Variants in TMEM65 observed in about 807,000 individuals in gnomAD.
TMEM65 encodes the protein transmembrane protein 65.
A neutral mutation model predicts 25.4 loss-of-function variants in TMEM65; 22 were observed. The observed-to-expected ratio is 0.86, with a 90% confidence interval of 0.62 to 1.23. The LOEUF is 1.23. TMEM65 is among the 50% of genes most tolerant of loss of function. The pLI is 0.00. For synonymous variants in TMEM65, 132 were observed against 126.2 expected (o/e 1.05, Z -0.31); for missense variants, 262 against 308.2 (o/e 0.85, Z 1.12).
intron 1 of TMEM65, among the ~76,000 whole-genome samples, chr8:124,365,183 T>C (rs1188846562): frequency 6.6e-6 from 1 of 152,190 alleles, no homozygotes; most frequent in African/African-American, 2.4e-5. Context: ...AAATGACTAT[T>C]AAGGTGAAAA....
At chr8:124,322,762 C>T (rs910381363) in intron 4 of TMEM65, among the ~76,000 whole-genome samples, 3 of 152,030 alleles carry the variant, frequency 2.0e-5, no homozygotes, top group Non-Finnish European at 2.9e-5. Flanking sequence ...CTTTGGGAGG[C>T]CGAGGCGGGC....
chr8:124,329,370 G>T (rs1437244760), intron 2 of TMEM65, among the ~76,000 whole-genome samples: 1 of 151,928 alleles, frequency 6.6e-6, no homozygotes, highest in Non-Finnish European at 1.5e-5. Flanking sequence ...TTACAGTGAA[G>T]AGAAAGCTAC....
At chr8:124,329,399 T>A (rs184607249) in intron 2 of TMEM65, among the ~76,000 whole-genome samples, 1 of 151,752 alleles carries the variant, frequency 6.6e-6, no homozygotes, top group East Asian at 1.9e-4. Flanking sequence ...TGAAAAATAA[T>A]GATGAAACTG....
chr8:124,320,042 T>C (rs1484328488), intron 6 of TMEM65, 44 bp downstream of exon 6: 4 of 1,506,732 alleles, frequency 2.7e-6, no homozygotes, highest in Non-Finnish European at 3.7e-6. Context: ...AGAATCTTGC[T>C]CTGGCTACCC....
rs1814170439 is a variant in TMEM65, at chr8:124,312,175, A to C, written c.*1785T>G. Reference sequence around the variant, plus strand: ...AATCCTATCAATCAGAAATTTTACAAAGGATTTTTTGTGTGGTTATCTGTG... The same window carrying C: ...AATCCTATCAATCAGAAATTTTACACAGGATTTTTTGTGTGGTTATCTGTG... On this transcript the variant is annotated 3_prime_UTR_variant, in exon 7 of 7. Coordinates refer to ENST00000297632, the MANE Select transcript of TMEM65 (RefSeq NM_194291.3). The C allele has an allele frequency of 6.7e-6, 1 of 150,270 alleles. No homozygotes were observed. Among genetic ancestry groups the C allele is most frequent in the Non-Finnish European group, 1.5e-5 (1 of 67,352 alleles). 9.3% of individuals were successfully genotyped at this position (150,270 alleles called of 1,614,324 possible).
Position 124,306,499 on chromosome 8 carries a change from G to T in TMEM65, c.*7461C>A, listed in dbSNP as rs1274297324. ...TGATAAATATATTGAAAATTTTTTT[G>T]GAAATTTGCAACAATTTAAAAAACT... On this transcript the variant is annotated 3_prime_UTR_variant, in exon 7 of 7. Transcript: ENST00000297632. The T allele has an allele frequency of 6.6e-6, 1 of 151,910 alleles. No homozygotes were observed. The highest frequency in any genetic ancestry group is 1.5e-5 in the Non-Finnish European group (1 of 68,056). The allele number at this position is 151,910 out of a possible 1,614,324, so 9.4% of individuals were successfully genotyped here. A position where few individuals can be genotyped will look rare whatever the true frequency, so the allele number is the denominator to read the frequency against.
intron 1 of TMEM65, among the ~76,000 whole-genome samples, chr8:124,358,773 C>T (rs955544192): frequency 1.3e-5 from 2 of 152,172 alleles, no homozygotes; most frequent in African/African-American, 2.4e-5. Context: ...GTCAGAAGTG[C>T]GATCCAAAGT....
intron 6 of TMEM65, among the ~76,000 whole-genome samples, chr8:124,318,375 T>TG (rs1814264925): frequency 8.1e-6 from 1 of 123,942 alleles, no homozygotes; most frequent in Non-Finnish European, 1.7e-5. Flanking sequence ...TTTTGTTTTT[T>TG]TTTTTTTTTT....
intron 1 of TMEM65, among the ~76,000 whole-genome samples, chr8:124,363,817 A>G (rs1814902852): frequency 8.2e-6 from 1 of 122,160 alleles, no homozygotes; most frequent in African/African-American, 3.1e-5. Context: ...AGCCAGGGCG[A>G]CAGAGCGAGA....
intron 5 of TMEM65, among the ~76,000 whole-genome samples, chr8:124,320,433 A>T (rs1814289993): frequency 2.0e-5 from 3 of 152,230 alleles, no homozygotes; most frequent in Non-Finnish European, 4.4e-5. Context: ...TATATTGTTT[A>T]AAAATATTTT....
At chr8:124,342,938 T>C (rs1814598577) in intron 1 of TMEM65, among the ~76,000 whole-genome samples, 1 of 152,128 alleles carries the variant, frequency 6.6e-6, no homozygotes, top group South Asian at 2.1e-4. Flanking sequence ...ATATAGAAGC[T>C]TTCTGATTGC....
chr8:124,321,756 C>T (rs1192084416), intron 5 of TMEM65, among the ~76,000 whole-genome samples: 1 of 152,092 alleles, frequency 6.6e-6, no homozygotes, highest in African/African-American at 2.4e-5. Flanking sequence ...CTATAAAATA[C>T]ATATAAATAC....
chr8:124,318,967 A>G (rs768713148), intron 6 of TMEM65, among the ~76,000 whole-genome samples: 1 of 152,096 alleles, frequency 6.6e-6, no homozygotes, highest in Non-Finnish European at 1.5e-5. Flanking sequence ...AACTTCTAAT[A>G]TGCTAAATAT....
Position 124,327,413 on chromosome 8 carries a change from G to A in TMEM65, c.358C>T (p.His120Tyr). Residue 120 changes from histidine to tyrosine, a missense_variant, in exon 3 of 7, where the codon CAC becomes TAC. Transcript: ENST00000297632. Reference protein sequence around the residue: ...TPGQLRYVFIHNAIPFIGFGF... With the variant: ...TPGQLRYVFIYNAIPFIGFGF... Reference sequence around the variant, plus strand: ...AACCCTATGAAAGGTATCGCATTGTGGATGAATACTGAAAAACATCAAAAA... The same window carrying A: ...AACCCTATGAAAGGTATCGCATTGTAGATGAATACTGAAAAACATCAAAAA... 6.3e-7 allele frequency: 1 copy of A among 1,588,668 alleles called. No individual in the cohort carries two copies. The highest frequency in any genetic ancestry group is 2.3e-5 in the East Asian group (1 of 43,844).
rs1315556950 is a variant in TMEM65, at chr8:124,313,816, A to T, written c.*144T>A. ...GATGTCCTAAGAAGATCAAGCCACAATAAGTTAGTGTTTTCCATAATACAT... is the reference window on the plus strand; with the variant it reads ...GATGTCCTAAGAAGATCAAGCCACATTAAGTTAGTGTTTTCCATAATACAT... On this transcript the variant is annotated 3_prime_UTR_variant, in exon 7 of 7. Coordinates refer to ENST00000297632, the MANE Select transcript of TMEM65 (RefSeq NM_194291.3). 1.6e-6 allele frequency: 1 copy of T among 611,474 alleles called. No homozygotes were observed. Among genetic ancestry groups the T allele is most frequent in the African/African-American group, 1.9e-5 (1 of 53,626 alleles). The allele number at this position is 611,474 out of a possible 1,614,324, so 37.9% of individuals were successfully genotyped here. A position where few individuals can be genotyped will look rare whatever the true frequency, so the allele number is the denominator to read the frequency against.
At chr8:124,368,012 T>C (rs755507748) in intron 1 of TMEM65, among the ~76,000 whole-genome samples, 1 of 152,226 alleles carries the variant, frequency 6.6e-6, no homozygotes, top group Non-Finnish European at 1.5e-5. Flanking sequence ...GCTCCCTTTT[T>C]CAAAACATAT....
chr8:124,318,759 C>T (rs1814270761), intron 6 of TMEM65, among the ~76,000 whole-genome samples: 1 of 152,072 alleles, frequency 6.6e-6, no homozygotes, highest in Admixed American at 6.6e-5. Flanking sequence ...AATGTTGATC[C>T]TGCTGATGCT....
chr8:124,372,198 G>A lies in TMEM65; in HGVS notation c.-41C>T. ...TGGGACCCCCGCGGCCGTCCGGCAA[G>A]GCGGTTTCTGGCGCGGCTGAGGCGA... On this transcript the variant is annotated 5_prime_UTR_variant, in exon 1 of 7. Coordinates refer to ENST00000297632, the MANE Select transcript of TMEM65 (RefSeq NM_194291.3). 7.9e-7 allele frequency: 1 copy of A among 1,260,802 alleles called. No individual in the cohort carries two copies. The highest frequency in any genetic ancestry group is 1.6e-5 in the South Asian group (1 of 61,546). 78.1% of individuals were successfully genotyped at this position (1,260,802 alleles called of 1,614,324 possible). A position where few individuals can be genotyped will look rare whatever the true frequency, so the allele number is the denominator to read the frequency against.
Position 124,323,474 on chromosome 8 carries a change from T to A in TMEM65, c.418-99A>T, listed in dbSNP as rs183993068. Reference sequence around the variant, plus strand: ...AAAACAGATACAAGTTAAATCAACATGTTAGTGCTGCAAAATTACATACAT... The same window carrying A: ...AAAACAGATACAAGTTAAATCAACAAGTTAGTGCTGCAAAATTACATACAT... On this transcript the variant is annotated intron_variant, in intron 3 of 6. Coordinates refer to ENST00000297632, the MANE Select transcript of TMEM65 (RefSeq NM_194291.3). The A allele has an allele frequency of 1.6e-5, 9 of 562,622 alleles. No homozygotes were observed. The East Asian group carries it at 2.8e-4, about 17-fold the overall frequency. The allele number at this position is 562,622 out of a possible 1,614,324, so 34.9% of individuals were successfully genotyped here.
Sources: gnomAD v4.1 joint callset for allele counts (sites outside exome capture counted in the v4.1 genomes callset) on GRCh38, gnomAD v4.1.1 for gene constraint, MANE v1.5 for transcripts, NCBI Gene and HGNC (gene_info 2026-07-23, HGNC 2026-07-21) for gene names.